The following ALPK1 variants were observed in gnomAD, a reference collection of about 807,000 sequenced individuals.
ALPK1 encodes alpha kinase 1, also known as alpha-protein kinase 1.
In ALPK1, 110 loss-of-function variants were observed where a neutral mutation model predicts 120.6. The observed-to-expected ratio is 0.91, with a 90% CI of 0.78 to 1.07. The LOEUF (loss-of-function observed/expected upper bound fraction) is 1.07. Among genes scored for constraint, ALPK1 ranks in the 50% least tolerant of loss-of-function variants. The pLI is 0.00. For synonymous variants in ALPK1, 582 were observed against 560.3 expected (o/e 1.04, Z -0.55); for missense variants, 1,498 against 1,483.9 (o/e 1.01, Z -0.16).
chr4:112,358,311 T>C, intron 2 of ALPK1: 2 of 595,756 alleles, frequency 3.4e-6, no homozygotes, highest in Non-Finnish European at 6.2e-6. Context: ...GGCCATGTCA[T>C]CCAAGACGTA....
chr4:112,307,735 T>C (rs745767203), intron 1 of ALPK1, among the ~76,000 whole-genome samples: 8 of 152,154 alleles, frequency 5.3e-5, no homozygotes, highest in Non-Finnish European at 1.0e-4. Flanking sequence ...TTAGAGCATT[T>C]AGCCCATTTA....
At chr4:112,362,231 A>G (rs1046018243) in intron 2 of ALPK1, among the ~76,000 whole-genome samples, 1 of 152,234 alleles carries the variant, frequency 6.6e-6, no homozygotes, top group African/African-American at 2.4e-5. Context: ...GATCCAAACC[A>G]AGACAAAATC....
intron 4 of ALPK1, among the ~76,000 whole-genome samples, chr4:112,392,692 A>C (rs4834271): frequency 0.33 from 50,712 of 151,858 alleles, 8,787 homozygotes; most frequent in East Asian, 0.53. Flanking sequence ...ATGCCTGGCT[A>C]ATTTTTTATT....
chr4:112,331,452 C>A (rs556088097), intron 2 of ALPK1, among the ~76,000 whole-genome samples: 3 of 152,308 alleles, frequency 2.0e-5, no homozygotes, highest in South Asian at 2.1e-4. Context: ...TCTAACCCAA[C>A]CTTTCAGCTC....
At chr4:112,367,934 C>G (rs1430804112) in intron 2 of ALPK1, among the ~76,000 whole-genome samples, 2 of 152,084 alleles carry the variant, frequency 1.3e-5, no homozygotes, top group Non-Finnish European at 2.9e-5. Flanking sequence ...CGGAGTCTCA[C>G]TCTGTTGCCC....
chr4:112,324,048 C>G (rs1368263377), intron 2 of ALPK1, among the ~76,000 whole-genome samples: 1 of 151,900 alleles, frequency 6.6e-6, no homozygotes. Context: ...CTGCTCTTGG[C>G]CAGGCGTGGT....
intron 2 of ALPK1, among the ~76,000 whole-genome samples, chr4:112,333,439 C>A (rs1386992984): frequency 1.3e-5 from 2 of 152,192 alleles, no homozygotes; most frequent in African/African-American, 2.4e-5. Flanking sequence ...GAGCAGATCA[C>A]CCTCACAGAT....
In ALPK1 at chr4:112,439,937, G is replaced by C. The variant is rs1031800539; in HGVS notation, c.3538+65G>C. On this transcript the variant is annotated intron_variant, in intron 14 of 15. Coordinates refer to ENST00000650871, the MANE Select transcript of ALPK1 (RefSeq NM_025144.4). ...ATGTAAATGTGAAGTTTTGTAACTA[G>C]CTTCCCTAATCTTTACTTAATAGAT... 2.4e-5 allele frequency: 32 copies of C among 1,359,540 alleles called. No individual in the cohort carries two copies. The African/African-American group carries it at 4.8e-4, about 20-fold the overall frequency. 84.2% of individuals were successfully genotyped at this position (1,359,540 alleles called of 1,614,324 possible).
In ALPK1 at chr4:112,377,810, G is replaced by A. The variant is rs1402167884; in HGVS notation, c.33G>A (p.Leu11=). Residue 11 remains leucine, a synonymous_variant, in exon 3 of 16, where the codon CTG becomes CTA. Coordinates refer to ENST00000650871, the MANE Select transcript of ALPK1 (RefSeq NM_025144.4). MNNQKVVAVL[L]QECKQVLDQL... ...ATCAAAAAGTGGTAGCTGTGCTACTGCAAGAGTGCAAGCAAGTGCTGGATC... is the reference window on the plus strand; with the variant it reads ...ATCAAAAAGTGGTAGCTGTGCTACTACAAGAGTGCAAGCAAGTGCTGGATC... 3 of 1,613,222 alleles carry A rather than the reference G, an allele frequency of 1.9e-6. No individual in the cohort carries two copies. Among genetic ancestry groups the A allele is most frequent in the Admixed American group, 1.7e-5 (1 of 59,968 alleles).
At chr4:112,368,173 C>T (rs1043254540) in intron 2 of ALPK1, among the ~76,000 whole-genome samples, 2 of 152,238 alleles carry the variant, frequency 1.3e-5, no homozygotes, top group African/African-American at 4.8e-5. Context: ...CCACCTCCAC[C>T]TCCCAAAGTA....
intron 2 of ALPK1, among the ~76,000 whole-genome samples, chr4:112,374,164 G>A (rs1025103703): frequency 3.9e-5 from 6 of 152,252 alleles, no homozygotes; most frequent in South Asian, 4.2e-4. Flanking sequence ...CTTAAATCCC[G>A]CTGCTGCTTT....
At chr4:112,398,978 G>C (rs1469245512) in intron 4 of ALPK1, among the ~76,000 whole-genome samples, 1 of 152,186 alleles carries the variant, frequency 6.6e-6, no homozygotes. Flanking sequence ...TGAGGAAGAA[G>C]CAAGAATGGA....
intron 2 of ALPK1, among the ~76,000 whole-genome samples, chr4:112,349,696 G>A (rs1318516254): frequency 6.6e-6 from 1 of 151,980 alleles, no homozygotes; most frequent in Non-Finnish European, 1.5e-5. Context: ...TGGGACTACA[G>A]GCGTGTACCA....
intron 2 of ALPK1, among the ~76,000 whole-genome samples, chr4:112,362,808 A>C (rs902240709): frequency 3.3e-5 from 5 of 152,216 alleles, no homozygotes; most frequent in Non-Finnish European, 5.9e-5. Flanking sequence ...GCCAAGACGA[A>C]GGAAAGAATC....
intron 2 of ALPK1, among the ~76,000 whole-genome samples, chr4:112,371,806 A>C (rs1457972859): frequency 1.3e-5 from 2 of 152,258 alleles, no homozygotes; most frequent in Non-Finnish European, 2.9e-5. Context: ...AAATATACAT[A>C]CATAAAAACG....
At chr4:112,355,149 T>G (rs990032662) in intron 2 of ALPK1, among the ~76,000 whole-genome samples, 2 of 152,224 alleles carry the variant, frequency 1.3e-5, no homozygotes, top group Admixed American at 1.3e-4. Context: ...ATGTATATTA[T>G]TTTTATACCT....
At chr4:112,340,725 C>A (rs565886630) in intron 2 of ALPK1, among the ~76,000 whole-genome samples, 200 of 152,296 alleles carry the variant, frequency 1.3e-3, no homozygotes, top group Non-Finnish European at 2.4e-3. Context: ...TTGGGAAATG[C>A]TACATCTTCA....
At chr4:112,310,162 T>G (rs1441126523) in intron 1 of ALPK1, among the ~76,000 whole-genome samples, 1 of 152,102 alleles carries the variant, frequency 6.6e-6, no homozygotes, top group Non-Finnish European at 1.5e-5. Flanking sequence ...TGAATGAGAC[T>G]TACCACTGTT....
At chr4:112,310,296 A>C (rs1208359529) in intron 1 of ALPK1, among the ~76,000 whole-genome samples, 1 of 152,080 alleles carries the variant, frequency 6.6e-6, no homozygotes, top group Non-Finnish European at 1.5e-5. Context: ...AATAACACCT[A>C]CTCAACTAGA....
Sources: allele counts gnomAD v4.1 joint callset (sites outside exome capture counted in the v4.1 genomes callset), GRCh38; gene constraint gnomAD v4.1.1; transcripts MANE v1.5; gene names NCBI Gene and HGNC (gene_info 2026-07-23, HGNC 2026-07-21).